APBB2: variants seen among roughly 807,000 people sequenced by gnomAD.
APBB2 encodes amyloid beta precursor protein binding family B member 2.
A neutral mutation model predicts 82.5 loss-of-function variants in APBB2; 38 were observed. The observed-to-expected ratio is 0.46, with a 90% confidence interval of 0.36 to 0.60. The LOEUF is 0.60. APBB2 is among the 20% of genes least tolerant of loss of function. The pLI is 0.00. For synonymous variants in APBB2, 341 were observed against 368.2 expected (o/e 0.93, Z 0.85); for missense variants, 772 against 972.3 (o/e 0.79, Z 2.74).
chr4:40,995,008 C>A (rs1803248267), intron 6 of APBB2, among the ~76,000 whole-genome samples: 1 of 151,720 alleles, frequency 6.6e-6, no homozygotes, highest in African/African-American at 2.4e-5. Context: ...GACTCTTAGG[C>A]AATGCACTTC....
At chr4:41,117,294 TA>T (rs374164828) in intron 2 of APBB2, among the ~76,000 whole-genome samples, 6,722 of 129,918 alleles carry the variant, frequency 0.052, 244 homozygotes, top group Non-Finnish European at 0.07. Context: ...TTATTATTAT[TA>T]TTTTTTTTTT....
rs148730270 is a variant in APBB2, at chr4:41,127,374, C to T, written c.-261+15613G>A. On this transcript the variant is annotated intron_variant, in intron 2 of 17. Coordinates refer to ENST00000508593, the MANE Select transcript of APBB2 (RefSeq NM_004307.2). The surrounding 1 kb of genome is among the most constrained non-coding windows in gnomAD (Gnocchi z 4.8). ...AAATCAAAGCATTCACTTGATATTC[C>T]ACATCAATAGAAGGCAATTGCAAAA... 9.7e-4 allele frequency among the ~76,000 whole-genome samples: 148 copies of T among 152,288 alleles called. No homozygotes were observed. The highest frequency in any genetic ancestry group is 3.4e-3 in the African/African-American group (140 of 41,572).
At chr4:40,931,341 C>T (rs948917771) in intron 10 of APBB2, among the ~76,000 whole-genome samples, 9 of 152,240 alleles carry the variant, frequency 5.9e-5, no homozygotes, top group Admixed American at 5.2e-4. Context: ...AGCAGTGCCT[C>T]GATTATGGCT....
At chr4:41,145,272 G>T (rs1323932301) in intron 1 of APBB2, among the ~76,000 whole-genome samples, 1 of 152,070 alleles carries the variant, frequency 6.6e-6, no homozygotes, top group African/African-American at 2.4e-5. Flanking sequence ...TTACACTGGG[G>T]CCTTGGCAAC....
intron 5 of APBB2, among the ~76,000 whole-genome samples, chr4:41,022,353 G>A (rs1331146199): frequency 6.6e-6 from 1 of 152,154 alleles, no homozygotes; most frequent in Non-Finnish European, 1.5e-5. Flanking sequence ...CACTGGAAGA[G>A]GAAGTGTGAG....
At chr4:41,103,208 A>C (rs1746047769) in intron 2 of APBB2, among the ~76,000 whole-genome samples, 1 of 152,212 alleles carries the variant, frequency 6.6e-6, no homozygotes, top group East Asian at 1.9e-4. Flanking sequence ...CAGTTACATG[A>C]TAAATTTATT....
intron 7 of APBB2, among the ~76,000 whole-genome samples, chr4:40,938,297 C>T (rs1299652771): frequency 6.6e-6 from 1 of 152,176 alleles, no homozygotes; most frequent in Non-Finnish European, 1.5e-5. Flanking sequence ...CTGGGAGAGC[C>T]TTGGAGCCTT....
intron 2 of APBB2, among the ~76,000 whole-genome samples, chr4:41,139,272 C>T (rs1199328472): frequency 1.3e-5 from 2 of 151,994 alleles, no homozygotes; most frequent in African/African-American, 4.8e-5. Context: ...ATGACCATAT[C>T]AATAGTTGCA....
intron 5 of APBB2, among the ~76,000 whole-genome samples, chr4:41,026,168 A>G (rs6840155): frequency 0.21 from 31,724 of 151,902 alleles, 3,508 homozygotes; most frequent in Middle Eastern, 0.29. Flanking sequence ...AAAGAAGGAG[A>G]CAACAAACAC....
chr4:40,929,961 T>C (rs1374606500), intron 10 of APBB2, among the ~76,000 whole-genome samples: 3 of 152,142 alleles, frequency 2.0e-5, no homozygotes, highest in African/African-American at 7.2e-5. Context: ...GTGCTATTAA[T>C]TAAATGAAAT....
chr4:41,043,845 T>C (rs1231275884), intron 4 of APBB2, among the ~76,000 whole-genome samples: 4 of 152,242 alleles, frequency 2.6e-5, no homozygotes, highest in Non-Finnish European at 5.9e-5. Flanking sequence ...TTACAACTTA[T>C]TTGTTGAAAG....
intron 2 of APBB2, among the ~76,000 whole-genome samples, chr4:41,137,040 CA>C (rs541448884): frequency 2.6e-4 from 39 of 152,130 alleles, no homozygotes; most frequent in Non-Finnish European, 5.0e-4. Context: ...CATACTAATA[CA>C]AAGATAAAAA....
At chr4:40,870,994 G>A (rs540329556) in intron 12 of APBB2, among the ~76,000 whole-genome samples, 33 of 105,538 alleles carry the variant, frequency 3.1e-4, no homozygotes, top group East Asian at 5.2e-4. Context: ...AGCCACCACC[G>A]CGCCCAGCCA....
At chr4:40,918,433 T>G (rs1437080552) in intron 10 of APBB2, among the ~76,000 whole-genome samples, 1 of 152,272 alleles carries the variant, frequency 6.6e-6, no homozygotes, top group Non-Finnish European at 1.5e-5. Context: ...GTTAAAAGAT[T>G]TGGGGGAAAA....
chr4:40,867,044 C>T (rs1578080751), intron 12 of APBB2, among the ~76,000 whole-genome samples: 2 of 152,314 alleles, frequency 1.3e-5, no homozygotes, highest in East Asian at 1.9e-4. Context: ...GCATGAGCCA[C>T]CATGCACGGC....
chr4:41,130,891 G>C (rs1755775527), intron 2 of APBB2, among the ~76,000 whole-genome samples: 1 of 151,988 alleles, frequency 6.6e-6, no homozygotes, highest in Non-Finnish European at 1.5e-5. Context: ...TACCTCCTTA[G>C]GATCCTGTGG....
At chr4:41,022,713 T>C (rs1295624393) in intron 5 of APBB2, among the ~76,000 whole-genome samples, 1 of 152,212 alleles carries the variant, frequency 6.6e-6, no homozygotes, top group African/African-American at 2.4e-5. Flanking sequence ...TAGGCACTCA[T>C]AAATGTTTGG....
intron 4 of APBB2, among the ~76,000 whole-genome samples, chr4:41,040,222 T>G (rs1447650783): frequency 6.6e-6 from 1 of 152,204 alleles, no homozygotes; most frequent in Admixed American, 6.5e-5. Flanking sequence ...ATTTTAGTGA[T>G]GAATACTTTT....
At chr4:41,035,692 G>A (rs1367860247) in intron 4 of APBB2, among the ~76,000 whole-genome samples, 2 of 152,142 alleles carry the variant, frequency 1.3e-5, no homozygotes, top group Admixed American at 6.5e-5. Flanking sequence ...GTATCCTCGG[G>A]TTCTACATCC....
Sources: allele counts gnomAD v4.1 joint callset (sites outside exome capture counted in the v4.1 genomes callset), GRCh38; gene constraint gnomAD v4.1.1; non-coding constraint Gnocchi (gnomAD v3.1); transcripts MANE v1.5; gene names NCBI Gene and HGNC (gene_info 2026-07-23, HGNC 2026-07-21).